The following ERBIN variants were observed in gnomAD, a reference collection of about 807,000 sequenced individuals.
ERBIN encodes the protein erbb2 interacting protein.
A neutral mutation model predicts 158.4 loss-of-function variants in ERBIN; 60 were observed. The observed-to-expected ratio is 0.38, with a 90% CI of 0.31 to 0.47. ERBIN has a LOEUF of 0.47. Among genes scored for constraint, ERBIN ranks in the 20% least tolerant of loss-of-function variants. ERBIN has a pLI of 0.99. For missense variants in ERBIN, 1,610 were observed against 1,648.0 expected (o/e 0.98, Z 0.40); for synonymous variants, 594 against 557.2 (o/e 1.07, Z -0.93).
intron 21 of ERBIN, among the ~76,000 whole-genome samples, chr5:66,070,233 C>T (rs1561455309): frequency 1.3e-5 from 2 of 151,828 alleles, no homozygotes; most frequent in South Asian, 2.1e-4. Context: ...TTAGTAGAGA[C>T]GGGGTTTCAC....
At chr5:65,977,975 G>GAGGGAGA (rs1246034570) in intron 1 of ERBIN, among the ~76,000 whole-genome samples, 1 of 152,066 alleles carries the variant, frequency 6.6e-6, no homozygotes, top group East Asian at 1.9e-4. Flanking sequence ...GGGAGAGGGA[G>GAGGGAGA]AGGGAGAGGG....
chr5:66,013,786 G>T, intron 6 of ERBIN, 148 bp downstream of exon 6: 1 of 549,388 alleles, frequency 1.8e-6, no homozygotes, highest in Non-Finnish European at 3.1e-6. Flanking sequence ...ACTTTGTTTG[G>T]TGGCTTTGAC....
intron 10 of ERBIN, 77 bp from the exon 11 acceptor site, chr5:66,025,403 T>TA: frequency 9.8e-7 from 1 of 1,022,808 alleles, no homozygotes; most frequent in South Asian, 1.3e-5. Context: ...TCAGATGTAG[T>TA]ATGTCTCACA....
chr5:65,981,766 CTTT>C (rs1427523052), intron 1 of ERBIN, among the ~76,000 whole-genome samples: 1 of 152,138 alleles, frequency 6.6e-6, no homozygotes, highest in Non-Finnish European at 1.5e-5. Flanking sequence ...AGCATGTGGT[CTTT>C]TATCTCAGGC....
chr5:66,053,111 C>T (rs933949182), intron 20 of ERBIN, among the ~76,000 whole-genome samples: 1 of 149,976 alleles, frequency 6.7e-6, no homozygotes, highest in African/African-American at 2.5e-5. Flanking sequence ...AAATTTTATT[C>T]ATAGTTCAGC....
chr5:66,078,254 C>G (rs910350052), intron 25 of ERBIN, among the ~76,000 whole-genome samples, 169 bp from the exon 26 acceptor site: 15 of 152,086 alleles, frequency 9.9e-5, no homozygotes, highest in Non-Finnish European at 1.9e-4. Flanking sequence ...ATTTTTAGAC[C>G]CCATCTTCAG....
chr5:65,982,337 C>G (rs1334556428), intron 1 of ERBIN, among the ~76,000 whole-genome samples: 1 of 150,642 alleles, frequency 6.6e-6, no homozygotes, highest in Non-Finnish European at 1.5e-5. Context: ...GGAAGGTGGA[C>G]TCTCTGAATC....
Position 66,068,423 on chromosome 5 carries a change from A to G in ERBIN, c.3634-3746A>G, listed in dbSNP as rs145672937. 4.3e-3 allele frequency among the ~76,000 whole-genome samples: 657 copies of G among 152,302 alleles called. 5 individuals are homozygous for G. Among genetic ancestry groups the G allele is most frequent in the African/African-American group, 0.015 (613 of 41,578 alleles). On this transcript the variant is annotated intron_variant, in intron 21 of 25. Transcript: ENST00000284037. ...GTTTGTTTAATATGTTAGAATTTGC[A>G]TAAAATGAAGTAGATTCTCTAAAAA...
In ERBIN at chr5:66,080,808, T is replaced by C. The variant is rs766481411; in HGVS notation, c.*2278T>C. On this transcript the variant is annotated 3_prime_UTR_variant, in exon 26 of 26. Transcript: ENST00000284037. ...AGTATTATAAATGCAACAGATGTTA[T>C]ATGCACTGGCATTTTATCCTACTCT... is the stretch of plus-strand genomic sequence containing the variant. The C allele has an allele frequency of 2.6e-5, 4 of 152,094 alleles. No individual in the cohort carries two copies. Among genetic ancestry groups the C allele is most frequent in the East Asian group, 1.9e-4 (1 of 5,200 alleles). 9.4% of individuals were successfully genotyped at this position (152,094 alleles called of 1,614,324 possible).
At position 66,048,641 on chromosome 5, in the gene ERBIN, TA is replaced by T. The variant is rs772633218; in HGVS notation, c.1789-25del. The stretch of plus-strand genomic sequence containing the variant: ...TTTAAAGAAACAAAAATTTAATTTT[TA>T]TCCCCCTCACCCCCTTTTCACTAGG... On this transcript the variant is annotated intron_variant, in intron 18 of 25. Transcript: ENST00000284037. 6 of 1,385,182 alleles carry T rather than the reference TA, an allele frequency of 4.3e-6. No individual in the cohort carries two copies. In the Admixed American group the frequency reaches 1.0e-4, roughly 24 times the overall value. 85.8% of individuals were successfully genotyped at this position (1,385,182 alleles called of 1,614,324 possible).
intron 4 of ERBIN, among the ~76,000 whole-genome samples, chr5:66,011,746 G>A (rs914523891): frequency 6.6e-6 from 1 of 151,998 alleles, no homozygotes; most frequent in Non-Finnish European, 1.5e-5. Context: ...GAAACAGAAA[G>A]AATGTTAAAT....
chr5:65,937,801 C>T (rs569396683), intron 1 of ERBIN, among the ~76,000 whole-genome samples: 18 of 152,140 alleles, frequency 1.2e-4, no homozygotes, highest in Non-Finnish European at 1.9e-4. Flanking sequence ...CCCAGCTACT[C>T]GGGAGGCTGA....
intron 1 of ERBIN, among the ~76,000 whole-genome samples, chr5:65,965,382 G>GTTTTGTTTTTTTT (rs1748464142): frequency 1.0e-5 from 1 of 96,072 alleles, no homozygotes; most frequent in African/African-American, 4.1e-5. Flanking sequence ...GTTTTTTGTT[G>GTTTTGTTTTTTTT]TTTTTTTTTT....
intron 4 of ERBIN, among the ~76,000 whole-genome samples, chr5:65,995,303 C>A (rs921926567): frequency 6.6e-6 from 1 of 152,042 alleles, no homozygotes; most frequent in African/African-American, 2.4e-5. Context: ...CCATCCCCAG[C>A]CCCTGGTAAC....
chr5:66,045,951 G>T (rs895922613), intron 17 of ERBIN, among the ~76,000 whole-genome samples: 3 of 152,032 alleles, frequency 2.0e-5, no homozygotes, highest in African/African-American at 7.2e-5. Context: ...TTAGGACTTT[G>T]CCACACACAC....
At chr5:65,966,634 C>T (rs983724695) in intron 1 of ERBIN, among the ~76,000 whole-genome samples, 1 of 132,282 alleles carries the variant, frequency 7.6e-6, no homozygotes, top group Non-Finnish European at 1.5e-5. Context: ...GAGCCAAGAT[C>T]GCACCCTTGC....
At chr5:65,948,821 TG>T (rs1346712540) in intron 1 of ERBIN, among the ~76,000 whole-genome samples, 2 of 140,066 alleles carry the variant, frequency 1.4e-5, no homozygotes, top group Admixed American at 1.5e-4. Context: ...TGGAGTGCAG[TG>T]GCCCAATTTC....
At chr5:66,038,113 A>G (rs144977675) in intron 14 of ERBIN, among the ~76,000 whole-genome samples, 3 of 152,324 alleles carry the variant, frequency 2.0e-5, no homozygotes, top group East Asian at 3.9e-4. Flanking sequence ...TAAACTTAGT[A>G]TATGAAATCT....
intron 16 of ERBIN, among the ~76,000 whole-genome samples, chr5:66,043,834 G>A (rs1330605148): frequency 6.6e-6 from 1 of 152,104 alleles, no homozygotes; most frequent in Non-Finnish European, 1.5e-5. Flanking sequence ...GCTGAAAAAT[G>A]TGTATCTGTT....
Sources: allele counts gnomAD v4.1 joint callset (sites outside exome capture counted in the v4.1 genomes callset), GRCh38; gene constraint gnomAD v4.1.1; transcripts MANE v1.5; gene names NCBI Gene and HGNC (gene_info 2026-07-23, HGNC 2026-07-21).